The following PNLIPRP3 variants were observed in gnomAD, a reference collection of about 807,000 sequenced individuals.
PNLIPRP3 encodes the protein pancreatic lipase related protein 3, also known as pancreatic lipase-related protein 3.
In PNLIPRP3, 58 loss-of-function variants were observed where a neutral mutation model predicts 52.8. The ratio of observed to expected loss-of-function variants is 1.10; its 90% CI spans 0.89 to 1.37. The LOEUF (loss-of-function observed/expected upper bound fraction) is 1.37. Ranked by LOEUF, PNLIPRP3 falls within the 40% of genes most tolerant of loss-of-function variation. The pLI is 0.00. For synonymous variants in PNLIPRP3, 192 were observed against 185.0 expected (o/e 1.04, Z -0.31); for missense variants, 593 against 561.6 (o/e 1.06, Z -0.57).
At chr10:116,453,020 G>T (rs891059639) in intron 4 of PNLIPRP3, among the ~76,000 whole-genome samples, 1 of 152,192 alleles carries the variant, frequency 6.6e-6, no homozygotes, top group African/African-American at 2.4e-5. Context: ...ATAAAAACTG[G>T]CAGGCACTCA....
intron 1 of PNLIPRP3, among the ~76,000 whole-genome samples, chr10:116,434,414 CTTAAG>C: frequency 6.6e-6 from 1 of 152,236 alleles, no homozygotes; most frequent in Non-Finnish European, 1.5e-5. Context: ...TTATTGGCCA[CTTAAG>C]TTATTGACCC....
chr10:116,428,289 C>T (rs575208072), intron 1 of PNLIPRP3, among the ~76,000 whole-genome samples: 2 of 152,010 alleles, frequency 1.3e-5, no homozygotes. Context: ...TCACTTAATA[C>T]TGAATGAGTC....
At chr10:116,476,900 G>T (rs762902157) in intron 11 of PNLIPRP3, 81 bp downstream of exon 11, 1 of 1,383,184 alleles carries the variant, frequency 7.2e-7, no homozygotes, top group Non-Finnish European at 9.7e-7. Flanking sequence ...TTTGAAATGT[G>T]CAAGTAGCAT....
At chr10:116,433,620 T>G (rs1431486) in intron 1 of PNLIPRP3, among the ~76,000 whole-genome samples, 133,155 of 151,850 alleles carry the variant, frequency 0.88, 59,067 homozygotes, top group South Asian at 0.97. Context: ...CTCCATCCCT[T>G]TAAGACCATT....
At chr10:116,454,567 C>G (rs897002328) in intron 4 of PNLIPRP3, among the ~76,000 whole-genome samples, 5 of 152,202 alleles carry the variant, frequency 3.3e-5, no homozygotes, top group Non-Finnish European at 7.3e-5. Flanking sequence ...ATCAATATCT[C>G]CCTATTCACC....
At chr10:116,460,103 G>T (rs948633708) in intron 5 of PNLIPRP3, among the ~76,000 whole-genome samples, 30 of 152,114 alleles carry the variant, frequency 2.0e-4, no homozygotes, top group African/African-American at 7.2e-4. Context: ...TCCTAGTTCC[G>T]CAAGACTGGG....
At chr10:116,428,112 C>A in intron 1 of PNLIPRP3, 51 bp downstream of exon 1, 2 of 1,272,786 alleles carry the variant, frequency 1.6e-6, no homozygotes, top group Non-Finnish European at 2.2e-6. Context: ...AGTATACTTA[C>A]ATCTAAAATG....
chr10:116,456,238 A>G (rs1221283769), intron 5 of PNLIPRP3, among the ~76,000 whole-genome samples: 1 of 152,228 alleles, frequency 6.6e-6, no homozygotes, highest in Non-Finnish European at 1.5e-5. Context: ...AGGTACAAAA[A>G]TCCATAGCTA....
At chr10:116,465,509 T>C (rs1048646992) in intron 7 of PNLIPRP3, among the ~76,000 whole-genome samples, 3 of 151,760 alleles carry the variant, frequency 2.0e-5, no homozygotes, top group African/African-American at 7.3e-5. Flanking sequence ...CACTCCAGCC[T>C]GGGTGACAGA....
chr10:116,454,980 C>A (rs999162617), intron 4 of PNLIPRP3, among the ~76,000 whole-genome samples: 3 of 152,192 alleles, frequency 2.0e-5, no homozygotes, highest in African/African-American at 7.2e-5. Context: ...TCCATAGTGG[C>A]TATACCTATT....
chr10:116,469,274 A>T lies in PNLIPRP3; in HGVS notation c.1017A>T (p.Gly339=). Residue 339 remains glycine, a synonymous_variant, in exon 9 of 12, where the codon GGA becomes GGT. Coordinates refer to ENST00000369230, the MANE Select transcript of PNLIPRP3 (RefSeq NM_001011709.3). ...RFHFKNMKTN[G]SHYFLNTGSL... ...ACTTCAAAAATATGAAGACTAATGGATCACATTATTTTTTAAACACAGGGT... is the reference window on the plus strand; with the variant it reads ...ACTTCAAAAATATGAAGACTAATGGTTCACATTATTTTTTAAACACAGGGT... 1 of 1,610,858 alleles carries T rather than the reference A, an allele frequency of 6.2e-7. No homozygotes were observed. Among genetic ancestry groups the T allele is most frequent in the African/African-American group, 1.3e-5 (1 of 74,884 alleles).
intron 4 of PNLIPRP3, among the ~76,000 whole-genome samples, chr10:116,452,501 C>T (rs1846053924): frequency 6.6e-6 from 1 of 152,170 alleles, no homozygotes; most frequent in African/African-American, 2.4e-5. Flanking sequence ...GCCTGAAAGG[C>T]ATTTCAGAGA....
intron 1 of PNLIPRP3, among the ~76,000 whole-genome samples, chr10:116,432,336 T>C (rs1279641984): frequency 3.3e-5 from 5 of 152,212 alleles, no homozygotes; most frequent in Non-Finnish European, 5.9e-5. Flanking sequence ...ATTTACATGA[T>C]TTCTTAACCA....
At chr10:116,442,152 C>T (rs775321371) in intron 2 of PNLIPRP3, among the ~76,000 whole-genome samples, 2 of 152,142 alleles carry the variant, frequency 1.3e-5, no homozygotes, top group Non-Finnish European at 2.9e-5. Flanking sequence ...AATAGAATTG[C>T]TTATACTTGT....
chr10:116,470,674 A>G (rs576776962), intron 9 of PNLIPRP3, among the ~76,000 whole-genome samples: 2 of 151,646 alleles, frequency 1.3e-5, no homozygotes, highest in Non-Finnish European at 2.9e-5. Context: ...ACGCTAGGCT[A>G]GTTTTTTGTA....
At chr10:116,462,164 C>A (rs1447638912) in intron 7 of PNLIPRP3, among the ~76,000 whole-genome samples, 1 of 152,128 alleles carries the variant, frequency 6.6e-6, no homozygotes, top group East Asian at 1.9e-4. Flanking sequence ...TAGTATTTAA[C>A]TTTTTATAGT....
chr10:116,476,138 A>G (rs1846461607), intron 10 of PNLIPRP3, among the ~76,000 whole-genome samples: 1 of 152,172 alleles, frequency 6.6e-6, no homozygotes, highest in African/African-American at 2.4e-5. Context: ...GCCGTGATCA[A>G]CAAAATGTCT....
At chr10:116,439,668 C>T in intron 2 of PNLIPRP3, 1 of 765,930 alleles carries the variant, frequency 1.3e-6, no homozygotes, top group South Asian at 1.3e-5. Context: ...ACATCTCACC[C>T]AGCTTTTTTG....
intron 1 of PNLIPRP3, among the ~76,000 whole-genome samples, chr10:116,429,827 A>G (rs1845684859): frequency 6.6e-6 from 1 of 152,210 alleles, no homozygotes; most frequent in East Asian, 1.9e-4. Context: ...GGAAGATGGA[A>G]CTACTGAGTC....
Sources: allele counts gnomAD v4.1 joint callset (sites outside exome capture counted in the v4.1 genomes callset), GRCh38; gene constraint gnomAD v4.1.1; transcripts MANE v1.5; gene names NCBI Gene and HGNC (gene_info 2026-07-23, HGNC 2026-07-21).